The following MBNL1 variants were observed in gnomAD, a reference collection of about 807,000 sequenced individuals.
MBNL1 encodes muscleblind like splicing regulator 1.
A neutral mutation model predicts 42.2 loss-of-function variants in MBNL1; 8 were observed. That is an observed-to-expected ratio of 0.19 (90% CI 0.11 to 0.34). MBNL1 has a LOEUF of 0.34. Among genes scored for constraint, MBNL1 ranks in the 10% least tolerant of loss-of-function variants. The probability of loss-of-function intolerance (pLI) is 1.00; values close to 1 mark genes in which losing one functional copy is unlikely to be tolerated. For missense variants in MBNL1, 309 were observed against 495.3 expected, an observed-to-expected ratio of 0.62 and a Z score of 3.57; for synonymous variants, 169 against 173.9, an observed-to-expected ratio of 0.97 and a Z score of 0.22.
At chr3:152,349,527 C>T (rs1482365171) in intron 2 of MBNL1, among the ~76,000 whole-genome samples, 1 of 151,932 alleles carries the variant, frequency 6.6e-6, no homozygotes. Flanking sequence ...TTCTGAGTTG[C>T]ACTATAAAAA....
intron 2 of MBNL1, among the ~76,000 whole-genome samples, chr3:152,329,676 T>C (rs2082789506): frequency 1.7e-5 from 2 of 119,920 alleles, no homozygotes; most frequent in East Asian, 2.9e-4. Flanking sequence ...TTTTATCTTA[T>C]ATATATATAT....
At chr3:152,456,742 T>G (rs953846497) in intron 8 of MBNL1, among the ~76,000 whole-genome samples, 1 of 151,556 alleles carries the variant, frequency 6.6e-6, no homozygotes, top group Non-Finnish European at 1.5e-5. Context: ...TACAGTTTCT[T>G]AGTTCTTGCC....
At chr3:152,446,627 T>G in intron 5 of MBNL1, 2 of 1,107,728 alleles carry the variant, frequency 1.8e-6, no homozygotes, top group Non-Finnish European at 2.7e-6. Context: ...ATGATGCACC[T>G]CTGCTTGCTG....
chr3:152,247,636 C>A (rs972311718), intron 2 of MBNL1, among the ~76,000 whole-genome samples: 4 of 151,678 alleles, frequency 2.6e-5, no homozygotes, highest in African/African-American at 9.7e-5. Flanking sequence ...TAGTATAGTT[C>A]TGTTATTTGT....
intron 2 of MBNL1, among the ~76,000 whole-genome samples, chr3:152,245,913 C>T (rs1198819650): frequency 6.6e-6 from 1 of 152,104 alleles, no homozygotes; most frequent in Non-Finnish European, 1.5e-5. Flanking sequence ...TCATCTTTAT[C>T]ACACACTAAT....
At chr3:152,246,873 C>G (rs2033154893) in intron 2 of MBNL1, among the ~76,000 whole-genome samples, 1 of 151,930 alleles carries the variant, frequency 6.6e-6, no homozygotes, top group Non-Finnish European at 1.5e-5. Context: ...TCTCCTCCTC[C>G]TTCACAAGAT....
chr3:152,392,079 CAA>C (rs35339307), intron 2 of MBNL1, among the ~76,000 whole-genome samples: 2 of 145,266 alleles, frequency 1.4e-5, no homozygotes, highest in African/African-American at 2.5e-5. Context: ...TCATTTTGTG[CAA>C]AAAAAAAAAG....
chr3:152,393,890 G>A (rs11918402), intron 2 of MBNL1, among the ~76,000 whole-genome samples: 10,845 of 152,048 alleles, frequency 0.071, 510 homozygotes, highest in Middle Eastern at 0.16. Flanking sequence ...TTTCTTTATC[G>A]CCTTTAGTAG....
At chr3:152,245,794 T>A (rs1295574979) in intron 2 of MBNL1, among the ~76,000 whole-genome samples, 1 of 152,208 alleles carries the variant, frequency 6.6e-6, no homozygotes, top group East Asian at 1.9e-4. Context: ...AGAGTGTTAC[T>A]GTTACAAACT....
At chr3:152,354,605 T>G (rs2095368174) in intron 2 of MBNL1, among the ~76,000 whole-genome samples, 1 of 152,102 alleles carries the variant, frequency 6.6e-6, no homozygotes, top group Admixed American at 6.5e-5. Context: ...GGGTTTTATA[T>G]TCCCAATTAT....
intron 2 of MBNL1, among the ~76,000 whole-genome samples, chr3:152,254,288 C>T (rs1327121650): frequency 6.6e-6 from 1 of 152,056 alleles, no homozygotes; most frequent in Non-Finnish European, 1.5e-5. Context: ...TGGCAATTTT[C>T]CACTGAGCTA....
At chr3:152,365,752 T>G (rs2153200800) in intron 2 of MBNL1, among the ~76,000 whole-genome samples, 1 of 152,254 alleles carries the variant, frequency 6.6e-6, no homozygotes, top group East Asian at 1.9e-4. Flanking sequence ...AAACATCTGT[T>G]AAAAGGCTGA....
intron 1 of MBNL1, among the ~76,000 whole-genome samples, chr3:152,294,548 TGCTGGGATTACA>T (rs2057717711): frequency 1.3e-5 from 2 of 152,154 alleles, no homozygotes; most frequent in Admixed American, 6.5e-5. Context: ...CCTCCCAAAG[TGCTGGGATTACA>T]GGCGTGAGCC....
At chr3:152,342,936 A>C (rs545461349) in intron 2 of MBNL1, among the ~76,000 whole-genome samples, 1 of 152,350 alleles carries the variant, frequency 6.6e-6, no homozygotes, top group African/African-American at 2.4e-5. Context: ...TTCTTTAAAA[A>C]TATATTCACA....
At chr3:152,316,756 G>C (rs953056174) in intron 2 of MBNL1, among the ~76,000 whole-genome samples, 1 of 152,140 alleles carries the variant, frequency 6.6e-6, no homozygotes, top group Non-Finnish European at 1.5e-5. Flanking sequence ...TAGAGAAGAT[G>C]TATTTATCTC....
intron 6 of MBNL1, among the ~76,000 whole-genome samples, chr3:152,452,072 C>T (rs2153909329): frequency 6.6e-6 from 1 of 152,268 alleles, no homozygotes; most frequent in Admixed American, 6.5e-5. Flanking sequence ...GTGTTTCACA[C>T]CTTCCACCTC....
At chr3:152,418,714 CT>C (rs35606256) in intron 3 of MBNL1, among the ~76,000 whole-genome samples, 167 of 118,672 alleles carry the variant, frequency 1.4e-3, no homozygotes, top group African/African-American at 3.1e-3. Flanking sequence ...TCTTAACAAT[CT>C]TTTTTTTTTT....
rs561379262 is a variant in MBNL1, at chr3:152,415,541, G to A, written c.345+430G>A. Among the ~76,000 whole-genome samples, 6 of 152,216 alleles carry A rather than the reference G, an allele frequency of 3.9e-5. No homozygotes were observed. In the South Asian group the frequency reaches 1.0e-3, roughly 26 times the overall value. On this transcript the variant is annotated intron_variant, in intron 3 of 9. Transcript: ENST00000324210. ...TTTCCTCCCTCCTTGAAAAGAATGTGTATAGTTCTTTTTCTTGAAAAGGTA... is the reference window on the plus strand; with the variant it reads ...TTTCCTCCCTCCTTGAAAAGAATGTATATAGTTCTTTTTCTTGAAAAGGTA...
intron 2 of MBNL1, among the ~76,000 whole-genome samples, chr3:152,391,957 T>G (rs1579366388): frequency 1.3e-5 from 2 of 152,184 alleles, no homozygotes; most frequent in Non-Finnish European, 2.9e-5. Flanking sequence ...TTGCAGGGAA[T>G]TGGTAGTAAA....
Sources: allele counts gnomAD v4.1 joint callset (sites outside exome capture counted in the v4.1 genomes callset), GRCh38; gene constraint gnomAD v4.1.1; transcripts MANE v1.5; gene names NCBI Gene and HGNC (gene_info 2026-07-23, HGNC 2026-07-21).